The following ATP10B variants were observed in gnomAD, a reference collection of about 807,000 sequenced individuals.
ATP10B encodes the protein ATPase phospholipid transporting 10B (putative).
In ATP10B, 122 loss-of-function variants were observed where a neutral mutation model predicts 141.2. That is an observed-to-expected ratio of 0.86 (90% CI 0.75 to 1.00). The LOEUF is 1.00. ATP10B is among the 50% of genes least tolerant of loss of function. The pLI is 0.00. For missense variants in ATP10B, 1,876 were observed against 1,825.3 expected, an observed-to-expected ratio of 1.03 and a Z score of -0.51; for synonymous variants, 685 against 692.0, an observed-to-expected ratio of 0.99 and a Z score of 0.16.
At chr5:160,589,011 T>C (rs535106973) in intron 24 of ATP10B, among the ~76,000 whole-genome samples, 277 of 152,070 alleles carry the variant, frequency 1.8e-3, no homozygotes, top group Non-Finnish European at 3.4e-3. Flanking sequence ...GCCTGAACTG[T>C]TTTTGTTTTT....
In ATP10B at chr5:160,622,629, GCCCA is replaced by G. The variant is rs747846191; in HGVS notation, c.1621-48_1621-45del. The G allele has an allele frequency of 5.7e-5, 88 of 1,539,784 alleles. No individual in the cohort carries two copies. In the East Asian group the frequency reaches 2.0e-3, roughly 34 times the overall value. On this transcript the variant is annotated intron_variant, in intron 13 of 25. Transcript: ENST00000327245. ...AATGAGAGTCTTTTCTGGGAAGGAA[GCCCA>G]CTCCAGAAGAATCTTCACATGCCTG...
chr5:160,701,755 G>A lies in ATP10B; in HGVS notation c.-204-12812C>T, dbSNP rs78557973. Among the ~76,000 whole-genome samples, 774 of 151,890 alleles carry A rather than the reference G, an allele frequency of 5.1e-3. 9 individuals are homozygous for A. The highest frequency in any genetic ancestry group is 0.018 in the African/African-American group (748 of 41,418). ...TCACCCCTCTGCCCCAGTGCCTCCT[G>A]GGAGAAGTCACCCTTTTATTCTAAT... is the stretch of plus-strand genomic sequence containing the variant. On this transcript the variant is annotated intron_variant, in intron 3 of 25. Transcript: ENST00000327245.
the ATP10B span, among the ~76,000 whole-genome samples, chr5:160,892,600 A>G: frequency 6.6e-6 from 1 of 152,206 alleles, no homozygotes; most frequent in African/African-American, 2.4e-5. Flanking sequence ...TTTTTCCTAT[A>G]CACAAAGAAC....
At chr5:160,879,902 C>T in the ATP10B span, among the ~76,000 whole-genome samples, 56 of 152,104 alleles carry the variant, frequency 3.7e-4, no homozygotes, top group African/African-American at 1.3e-3. Context: ...ATCAAGGTTT[C>T]AGGATACGAA....
At chr5:160,667,086 C>T (rs906807947) in intron 7 of ATP10B, among the ~76,000 whole-genome samples, 8 of 152,066 alleles carry the variant, frequency 5.3e-5, no homozygotes, top group African/African-American at 1.2e-4. Context: ...GGCGTGGTGG[C>T]CGGCACCTGT....
chr5:160,851,236 T>G (rs192718594), intron 1 of ATP10B, among the ~76,000 whole-genome samples: 1 of 152,284 alleles, frequency 6.6e-6, no homozygotes. Flanking sequence ...GCAAAATAAC[T>G]AGCAGCTCAG....
Position 160,688,960 on chromosome 5 carries a change from G to A in ATP10B, c.-204-17C>T, listed in dbSNP as rs181595455. The A allele has an allele frequency of 4.8e-4, 475 of 985,038 alleles. 1 individual carries two copies. Among genetic ancestry groups the A allele is most frequent in the Admixed American group, 8.0e-4 (13 of 16,286 alleles). The allele number at this position is 985,038 out of a possible 1,614,324, so 61.0% of individuals were successfully genotyped here. A position where few individuals can be genotyped will look rare whatever the true frequency, so the allele number is the denominator to read the frequency against. On this transcript the variant is annotated splice_polypyrimidine_tract_variant and intron_variant, in intron 3 of 25. Transcript: ENST00000327245. The stretch of plus-strand genomic sequence containing the variant: ...TGGTGGTTTCTGAAACCAAGTACTT[G>A]ATTAAGCAGATGGTCTGCCCAGGTG...
chr5:160,619,191 G>T (rs1424917483), intron 15 of ATP10B, among the ~76,000 whole-genome samples: 1 of 152,142 alleles, frequency 6.6e-6, no homozygotes, highest in Non-Finnish European at 1.5e-5. Context: ...AAGCCTTGGA[G>T]TTTACCTTCT....
In ATP10B at chr5:160,620,382, G is replaced by T. The variant is rs375049408; in HGVS notation, c.2381C>A (p.Ser794Ter). 1 of 1,613,508 alleles carries T rather than the reference G, an allele frequency of 6.2e-7. No homozygotes were observed. Among genetic ancestry groups the T allele is most frequent in the Non-Finnish European group, 8.5e-7 (1 of 1,179,602 alleles). ...GTCTTCCAGCAGGTCCATGATGACC[G>T]AGTCAGCACCCTTGGTGTAGACAAC... ...EIVVYTKGAD[S>*]VIMDLLEDPA... Residue 794 changes from serine to a stop codon, truncating the protein, a stop_gained, in exon 15 of 26, where the codon TCG (serine) becomes TAG (stop). Coordinates refer to ENST00000327245, the MANE Select transcript of ATP10B (RefSeq NM_025153.3). LOFTEE classifies it high-confidence loss of function.
At chr5:160,881,966 T>C in the ATP10B span, among the ~76,000 whole-genome samples, 1 of 152,008 alleles carries the variant, frequency 6.6e-6, no homozygotes, top group African/African-American at 2.4e-5. Flanking sequence ...GCCATGAAAA[T>C]ACAGAGTAAC....
intron 8 of ATP10B, among the ~76,000 whole-genome samples, chr5:160,647,121 G>T (rs147738165): frequency 6.6e-6 from 1 of 152,194 alleles, no homozygotes; most frequent in Admixed American, 6.5e-5. Context: ...TTCAAAAGTC[G>T]CATTTTCAAA....
chr5:160,811,759 C>T (rs987538047), intron 1 of ATP10B, among the ~76,000 whole-genome samples: 7 of 152,156 alleles, frequency 4.6e-5, no homozygotes, highest in Non-Finnish European at 1.0e-4. Context: ...CACCAAGGGC[C>T]TGGGGGAACT....
chr5:160,927,202 CAGAA>C, the ATP10B span, among the ~76,000 whole-genome samples: 4 of 152,170 alleles, frequency 2.6e-5, no homozygotes, highest in Admixed American at 2.6e-4. Flanking sequence ...ACACCCAAAA[CAGAA>C]AGAGATATGC....
the ATP10B span, among the ~76,000 whole-genome samples, chr5:160,881,473 A>G: frequency 1.3e-5 from 2 of 152,336 alleles, no homozygotes; most frequent in Non-Finnish European, 2.9e-5. Context: ...ACTTTTATCT[A>G]TACAAAAACC....
intron 1 of ATP10B, among the ~76,000 whole-genome samples, chr5:160,814,030 G>C (rs952613772): frequency 6.6e-6 from 1 of 152,134 alleles, no homozygotes; most frequent in Non-Finnish European, 1.5e-5. Flanking sequence ...ACAAAGATGG[G>C]TAAAAAACAG....
intron 2 of ATP10B, among the ~76,000 whole-genome samples, chr5:160,735,090 G>C (rs951609855): frequency 1.4e-5 from 2 of 144,904 alleles, no homozygotes; most frequent in African/African-American, 5.1e-5. Flanking sequence ...AGTAGGAAGA[G>C]AAGATTAAAA....
At position 160,632,354 on chromosome 5, in the gene ATP10B, C is replaced by T. The variant is rs780835931; in HGVS notation, c.1395G>A (p.Glu465=). Residue 465 remains glutamate (E), a synonymous_variant, in exon 13 of 26, where the codon GAG becomes GAA. Coordinates refer to ENST00000327245, the MANE Select transcript of ATP10B (RefSeq NM_025153.3). ...CATCTGAGTCCAGCTCCTTTGGGGT[C>T]TCCAGTCGCTTAGCTGCAAGAAAGG... ...YSHQENAKRL[E]TPKELDSDGE... The T allele has an allele frequency of 2.7e-5, 43 of 1,613,952 alleles. No homozygotes were observed. The Admixed American group carries it at 7.2e-4, about 27-fold the overall frequency.
the ATP10B span, among the ~76,000 whole-genome samples, chr5:160,903,347 A>G: frequency 1.3e-5 from 2 of 152,116 alleles, no homozygotes; most frequent in African/African-American, 4.8e-5. Flanking sequence ...AGCCTCCCCC[A>G]TGCAGTCCCC....
intron 17 of ATP10B, 111 bp downstream of exon 17, chr5:160,615,727 G>C: frequency 7.2e-7 from 1 of 1,390,658 alleles, no homozygotes; most frequent in Non-Finnish European, 9.8e-7. Context: ...GGGAACCCCA[G>C]GGAAGGCTGC....
Sources: allele counts gnomAD v4.1 joint callset (sites outside exome capture counted in the v4.1 genomes callset), GRCh38; gene constraint gnomAD v4.1.1; transcripts MANE v1.5; gene names NCBI Gene and HGNC (gene_info 2026-07-23, HGNC 2026-07-21).